The following ZCCHC14 variants were observed in gnomAD, a reference collection of about 807,000 sequenced individuals.
The protein encoded by ZCCHC14 is zinc finger CCHC domain-containing protein 14.
ZCCHC14 carries 16 observed loss-of-function variants against 85.0 expected under a neutral mutation model. The observed-to-expected ratio is 0.19, with a 90% CI of 0.13 to 0.29. ZCCHC14 has a LOEUF of 0.29. ZCCHC14 is among the 10% of genes least tolerant of loss of function. The probability of loss-of-function intolerance (pLI) is 1.00; values close to 1 mark genes in which losing one functional copy is unlikely to be tolerated. For missense variants in ZCCHC14, 1,303 were observed against 1,443.5 expected, an observed-to-expected ratio of 0.90 and a Z score of 1.58; for synonymous variants, 775 against 630.7, an observed-to-expected ratio of 1.23 and a Z score of -3.43.
At chr16:87,462,570 C>G in intron 1 of ZCCHC14, among the ~76,000 whole-genome samples, 1 of 151,510 alleles carries the variant, frequency 6.6e-6, no homozygotes, top group East Asian at 2.0e-4. Context: ...GAAACCCCGT[C>G]TCTACTAAAA....
At position 87,408,442 on chromosome 16, in the gene ZCCHC14, A is replaced by G. The variant is rs1439760723; in HGVS notation, c.*1838T>C. The stretch of plus-strand genomic sequence containing the variant: ...CCTTAAACGTAATATGAGAAGGTCC[A>G]GTCTAGTACTCTTTAAGGCAAAGTT... On this transcript the variant is annotated 3_prime_UTR_variant, in exon 13 of 13. Coordinates refer to ENST00000671377, the MANE Select transcript of ZCCHC14 (RefSeq NM_015144.3). 1 of 152,638 alleles carries G rather than the reference A, an allele frequency of 6.6e-6. No individual in the cohort carries two copies. The highest frequency in any genetic ancestry group is 1.5e-5 in the Non-Finnish European group (1 of 68,042). 9.5% of individuals were successfully genotyped at this position (152,638 alleles called of 1,614,324 possible).
At chr16:87,486,090 T>C (rs1912503155) in intron 1 of ZCCHC14, among the ~76,000 whole-genome samples, 3 of 152,166 alleles carry the variant, frequency 2.0e-5, no homozygotes, top group African/African-American at 7.2e-5. Flanking sequence ...AACTAGCTCA[T>C]GTCAAAGTAA....
In ZCCHC14 at chr16:87,413,319, A is replaced by C. The variant is rs905819095; in HGVS notation, c.1604-124T>G. Reference sequence around the variant, plus strand: ...AGGGAAACGCAGGGCTCTGAGAGTCAGAAAACGAACACGCCGGCCCAGGCC... The same window carrying C: ...AGGGAAACGCAGGGCTCTGAGAGTCCGAAAACGAACACGCCGGCCCAGGCC... On this transcript the variant is annotated intron_variant, in intron 10 of 12. Transcript: ENST00000671377. 3 of 1,372,504 alleles carry C rather than the reference A, an allele frequency of 2.2e-6. No homozygotes were observed. In the African/African-American group the frequency reaches 4.4e-5, roughly 20 times the overall value. The allele number at this position is 1,372,504 out of a possible 1,614,324, so 85.0% of individuals were successfully genotyped here.
At chr16:87,468,030 C>A (rs1911608660) in intron 1 of ZCCHC14, among the ~76,000 whole-genome samples, 1 of 152,186 alleles carries the variant, frequency 6.6e-6, no homozygotes, top group East Asian at 1.9e-4. Context: ...AGCCACCGCG[C>A]CTGGCCCAAC....
chr16:87,419,868 G>A lies in ZCCHC14; in HGVS notation c.960C>T (p.Ala320=). 6.2e-7 allele frequency: 1 copy of A among 1,608,522 alleles called. No homozygotes were observed. Among genetic ancestry groups the A allele is most frequent in the Non-Finnish European group, 8.5e-7 (1 of 1,178,200 alleles). ...VDLDSGLRYL[A]SLPSHVLKND... ...TTTTCAACACGTGAGAAGGTAATGA[G>A]GCCAGGTACCTAAAAGGCAAACAAG... Residue 320 remains alanine (A), a synonymous_variant, in exon 6 of 13, where the codon GCC becomes GCT. Coordinates refer to ENST00000671377, the MANE Select transcript of ZCCHC14 (RefSeq NM_015144.3).
At chr16:87,414,680 C>G in intron 9 of ZCCHC14, 139 bp from the exon 10 acceptor site, 2 of 1,203,360 alleles carry the variant, frequency 1.7e-6, no homozygotes, top group East Asian at 5.1e-5. Flanking sequence ...CTCCACACCA[C>G]AGGGAAATTC....
chr16:87,469,252 T>C (rs1911670336), intron 1 of ZCCHC14, among the ~76,000 whole-genome samples: 1 of 152,226 alleles, frequency 6.6e-6, no homozygotes, highest in Non-Finnish European at 1.5e-5. Flanking sequence ...GTATCCATTA[T>C]GCAGCCATAT....
At chr16:87,432,495 C>T (rs893306673) in intron 3 of ZCCHC14, among the ~76,000 whole-genome samples, 1 of 152,188 alleles carries the variant, frequency 6.6e-6, no homozygotes. Flanking sequence ...CAGAGGGCCA[C>T]ATCCTAGGGA....
intron 3 of ZCCHC14, among the ~76,000 whole-genome samples, chr16:87,426,539 G>A (rs945867764): frequency 2.0e-5 from 3 of 152,102 alleles, no homozygotes; most frequent in African/African-American, 4.8e-5. Flanking sequence ...TAGTTCCTCC[G>A]GCTCACTGTG....
chr16:87,467,251 C>T, intron 1 of ZCCHC14: 1 of 1,571,492 alleles, frequency 6.4e-7, no homozygotes, highest in Non-Finnish European at 8.7e-7. Flanking sequence ...TTTTACCGGA[C>T]ACTAAACCCA....
chr16:87,429,596 CAGA>C (rs1043642345), intron 3 of ZCCHC14, among the ~76,000 whole-genome samples: 54 of 152,262 alleles, frequency 3.5e-4, no homozygotes, highest in African/African-American at 1.3e-3. Context: ...GTCTGGGTGA[CAGA>C]AGGAGACACT....
At position 87,420,579 on chromosome 16, in the gene ZCCHC14, C is replaced by A; in HGVS notation, c.950+28G>T. On this transcript the variant is annotated intron_variant, in intron 5 of 12. Transcript: ENST00000671377. The surrounding 1 kb of genome is among the most constrained non-coding windows in gnomAD (Gnocchi z 5.0). ...CCAGCCTGTCCTTGCCAGCTGTGGA[C>A]GCGCCGGGTGCCTGGTAAGGGCCTC... is the stretch of plus-strand genomic sequence containing the variant. The A allele has an allele frequency of 1.9e-6, 3 of 1,578,298 alleles. No homozygotes were observed. The highest frequency in any genetic ancestry group is 2.3e-5 in the South Asian group (2 of 86,874).
intron 1 of ZCCHC14, chr16:87,467,185 GAGA>G: frequency 2.1e-6 from 3 of 1,404,786 alleles, no homozygotes; most frequent in Non-Finnish European, 3.0e-6. Context: ...CCTCTGGCGG[GAGA>G]AGACTATTCT....
At chr16:87,422,362 G>A (rs892572209) in intron 4 of ZCCHC14, among the ~76,000 whole-genome samples, 6 of 152,134 alleles carry the variant, frequency 3.9e-5, no homozygotes, top group African/African-American at 1.4e-4. Context: ...TCTGAGGCTC[G>A]TGCCGCCAGA....
intron 1 of ZCCHC14, among the ~76,000 whole-genome samples, chr16:87,487,235 C>T (rs1472993925): frequency 1.3e-5 from 2 of 152,198 alleles, no homozygotes; most frequent in Non-Finnish European, 2.9e-5. Context: ...GAACCTACCC[C>T]TAAAGAAGAC....
At chr16:87,478,046 C>A (rs1912102039) in intron 1 of ZCCHC14, among the ~76,000 whole-genome samples, 1 of 152,234 alleles carries the variant, frequency 6.6e-6, no homozygotes, top group Non-Finnish European at 1.5e-5. Flanking sequence ...CCTGCTGCTC[C>A]TCACCTCATA....
rs981501125 is a variant in ZCCHC14 at position 87,419,896 on chromosome 16, G to A, written c.951-19C>T. ...CAGGTACCTAAAAGGCAAACAAGTG[G>A]TCTTATCAACATTAAAATGGCATTC... is the stretch of plus-strand genomic sequence containing the variant. On this transcript the variant is annotated intron_variant, in intron 5 of 12. Transcript: ENST00000671377. 2.5e-6 allele frequency: 4 copies of A among 1,577,506 alleles called. No homozygotes were observed. In the South Asian group the frequency reaches 3.5e-5, roughly 14 times the overall value.
intron 2 of ZCCHC14, among the ~76,000 whole-genome samples, chr16:87,453,486 T>C (rs1324005454): frequency 1.3e-5 from 2 of 152,148 alleles, no homozygotes; most frequent in Admixed American, 1.3e-4. Context: ...GGGATAGGGC[T>C]GGGATGAGCG....
intron 1 of ZCCHC14, chr16:87,467,726 A>G (rs1911592898): frequency 1.6e-6 from 1 of 627,526 alleles, no homozygotes; most frequent in Non-Finnish European, 2.9e-6. Context: ...ATCTTGGCTC[A>G]CTGCAAGCTC....
Sources: gnomAD v4.1 joint callset for allele counts (sites outside exome capture counted in the v4.1 genomes callset) on GRCh38, gnomAD v4.1.1 for gene constraint, Gnocchi (gnomAD v3.1) non-coding constraint, MANE v1.5 for transcripts, NCBI Gene and HGNC (gene_info 2026-07-23, HGNC 2026-07-21) for gene names.